The following PICALM variants were observed in gnomAD, a reference collection of about 807,000 sequenced individuals.
PICALM encodes the protein phosphatidylinositol binding clathrin assembly protein.
A neutral mutation model predicts 80.5 loss-of-function variants in PICALM; 40 were observed. The observed-to-expected ratio is 0.50, with a 90% CI of 0.39 to 0.65. The LOEUF is 0.65. Among genes scored for constraint, PICALM ranks in the 30% least tolerant of loss-of-function variants. PICALM has a pLI of 0.00. For missense variants in PICALM, 676 were observed against 778.9 expected, an observed-to-expected ratio of 0.87 and a Z score of 1.57; for synonymous variants, 288 against 260.3, an observed-to-expected ratio of 1.11 and a Z score of -1.02.
At chr11:85,963,437 A>G (rs993785732) in intron 19 of PICALM, among the ~76,000 whole-genome samples, 2 of 152,238 alleles carry the variant, frequency 1.3e-5, no homozygotes, top group Admixed American at 6.5e-5. Context: ...AAATTCCCAC[A>G]GAGCCAAAAA....
At position 85,957,887 on chromosome 11, in the gene PICALM, C is replaced by G. The variant is rs1259062224; in HGVS notation, c.*1159G>C. 4.5e-6 allele frequency: 1 copy of G among 224,480 alleles called. No individual in the cohort carries two copies. The highest frequency in any genetic ancestry group is 8.9e-6 in the Non-Finnish European group (1 of 112,394). The allele number at this position is 224,480 out of a possible 1,614,324, so 13.9% of individuals were successfully genotyped here. A position where few individuals can be genotyped will look rare whatever the true frequency, so the allele number is the denominator to read the frequency against. On this transcript the variant is annotated 3_prime_UTR_variant, in exon 20 of 20. Coordinates refer to ENST00000393346, the MANE Select transcript of PICALM (RefSeq NM_007166.4). ...AGATGTATTTACACAAAGCACCGAT[C>G]AACAGTGCAGTTTAATTCTTCGTTT...
chr11:86,004,985 T>C (rs955822974), intron 8 of PICALM, among the ~76,000 whole-genome samples: 1 of 152,164 alleles, frequency 6.6e-6, no homozygotes, highest in Non-Finnish European at 1.5e-5. Context: ...AAGGAGGATG[T>C]TGATGATAGT....
intron 1 of PICALM, among the ~76,000 whole-genome samples, chr11:86,061,330 C>CAAAAAAAAAAAAAAAAAA (rs58836221): frequency 1.2e-5 from 1 of 81,174 alleles, no homozygotes; most frequent in Non-Finnish European, 2.4e-5. Context: ...GACTCCATCT[C>CAAAAAAAAAAAAAAAAAA]AAAAAAAAAA....
intron 9 of PICALM, 67 bp downstream of exon 9, chr11:86,003,299 T>G: frequency 1.2e-5 from 10 of 814,924 alleles, no homozygotes; most frequent in Non-Finnish European, 1.8e-5. Flanking sequence ...GCTTGGAACT[T>G]GAGCTGGTTT....
intron 16 of PICALM, 43 bp downstream of exon 16, chr11:85,981,702 T>C: frequency 2.0e-6 from 3 of 1,486,256 alleles, no homozygotes; most frequent in Non-Finnish European, 2.8e-6. Flanking sequence ...GAGAAAACAC[T>C]AAATAACACA....
At chr11:86,038,348 A>C (rs1358110142) in intron 1 of PICALM, among the ~76,000 whole-genome samples, 1 of 151,880 alleles carries the variant, frequency 6.6e-6, no homozygotes, top group Non-Finnish European at 1.5e-5. Flanking sequence ...CAAAACAAAA[A>C]AAGAATAAGA....
chr11:86,065,626 G>A (rs1168991886), intron 1 of PICALM, among the ~76,000 whole-genome samples: 1 of 152,052 alleles, frequency 6.6e-6, no homozygotes, highest in East Asian at 1.9e-4. Flanking sequence ...TCAAATATAA[G>A]GGCTGCTATT....
At chr11:86,044,089 T>C (rs1212315046) in intron 1 of PICALM, among the ~76,000 whole-genome samples, 1 of 152,200 alleles carries the variant, frequency 6.6e-6, no homozygotes, top group Non-Finnish European at 1.5e-5. Context: ...AAATATACAA[T>C]AGTGGACAAA....
At chr11:86,050,591 T>C (rs2137322409) in intron 1 of PICALM, among the ~76,000 whole-genome samples, 1 of 152,344 alleles carries the variant, frequency 6.6e-6, no homozygotes, top group Middle Eastern at 3.4e-3. Context: ...TAATAATGTT[T>C]ACATTTCTGT....
At chr11:86,017,639 G>A (rs1466337551) in intron 4 of PICALM, among the ~76,000 whole-genome samples, 1 of 152,124 alleles carries the variant, frequency 6.6e-6, no homozygotes, top group Non-Finnish European at 1.5e-5. Flanking sequence ...GGCCTTCCCA[G>A]TTTTGCCACA....
chr11:86,023,543 T>C (rs1250670109), intron 3 of PICALM: 7 of 984,948 alleles, frequency 7.1e-6, no homozygotes, highest in Non-Finnish European at 8.4e-6. Flanking sequence ...ACCTCTCGTC[T>C]ACATAAAAAG....
chr11:86,001,421 G>T (rs1335999666), intron 9 of PICALM, among the ~76,000 whole-genome samples: 1 of 152,188 alleles, frequency 6.6e-6, no homozygotes. Flanking sequence ...ACAGAGTGGG[G>T]CACATTGCCT....
At chr11:86,007,976 G>C (rs72961110) in intron 7 of PICALM, among the ~76,000 whole-genome samples, 24,234 of 151,074 alleles carry the variant, frequency 0.16, 2,507 homozygotes, top group Middle Eastern at 0.25. Context: ...AAAAATTTAA[G>C]AAACAAACCT....
At chr11:85,986,940 AT>A (rs970780356) in intron 13 of PICALM, among the ~76,000 whole-genome samples, 3 of 152,336 alleles carry the variant, frequency 2.0e-5, no homozygotes, top group Admixed American at 2.0e-4. Context: ...ACAGTTTATC[AT>A]TTAGAAACCA....
intron 1 of PICALM, among the ~76,000 whole-genome samples, chr11:86,060,415 T>C (rs1193150998): frequency 6.6e-6 from 1 of 152,218 alleles, no homozygotes; most frequent in Non-Finnish European, 1.5e-5. Flanking sequence ...AAACTCTATT[T>C]TGTGGTTTAA....
At chr11:86,001,278 T>G (rs765209979) in intron 9 of PICALM, 120 bp from the exon 10 acceptor site, 7 of 883,920 alleles carry the variant, frequency 7.9e-6, no homozygotes, top group Admixed American at 4.7e-5. Context: ...ACTTAACTTC[T>G]GGATTCAAAT....
chr11:86,022,648 T>G (rs1406470779), intron 3 of PICALM, among the ~76,000 whole-genome samples, 179 bp from the exon 4 acceptor site: 1 of 152,112 alleles, frequency 6.6e-6, no homozygotes, highest in African/African-American at 2.4e-5. Flanking sequence ...TACCATTAAA[T>G]TCTCTTAAGG....
intron 3 of PICALM, among the ~76,000 whole-genome samples, chr11:86,024,049 G>T (rs1311273043): frequency 6.6e-6 from 1 of 152,056 alleles, no homozygotes; most frequent in African/African-American, 2.4e-5. Context: ...AGGACCGCTT[G>T]AGCCAGGAGT....
intron 14 of PICALM, among the ~76,000 whole-genome samples, 166 bp downstream of exon 14, chr11:85,983,700 C>T (rs1051210957): frequency 2.0e-5 from 3 of 152,128 alleles, no homozygotes; most frequent in African/African-American, 7.2e-5. Flanking sequence ...AGAATAATGA[C>T]TAAACAGCTC....
Sources: allele counts gnomAD v4.1 joint callset (sites outside exome capture counted in the v4.1 genomes callset), GRCh38; gene constraint gnomAD v4.1.1; transcripts MANE v1.5; gene names NCBI Gene and HGNC (gene_info 2026-07-23, HGNC 2026-07-21).